Variants in CNOT6L observed in about 807,000 individuals in gnomAD.
CNOT6L encodes the protein CCR4-NOT transcription complex subunit 6-like.
CNOT6L carries 7 observed loss-of-function variants against 64.0 expected under a neutral mutation model. That is an observed-to-expected ratio of 0.11 (90% CI 0.06 to 0.21). CNOT6L has a LOEUF of 0.21. Among genes scored for constraint, CNOT6L ranks in the 10% least tolerant of loss-of-function variants. The pLI is 1.00. For missense variants in CNOT6L, 245 were observed against 669.0 expected (o/e 0.37, Z 6.99); for synonymous variants, 193 against 243.4 (o/e 0.79, Z 1.93).
chr4:77,729,175 C>G, intron 9 of CNOT6L, 94 bp from the exon 10 acceptor site: 1 of 813,942 alleles, frequency 1.2e-6, no homozygotes, highest in South Asian at 1.6e-5. Flanking sequence ...TCCACAGCTA[C>G]TTCTTTACTC....
chr4:77,815,169 T>G (rs977049325), intron 1 of CNOT6L, among the ~76,000 whole-genome samples: 15 of 152,198 alleles, frequency 9.9e-5, no homozygotes, highest in African/African-American at 3.6e-4. Context: ...AAAATGTGTT[T>G]CCTATGAAAC....
chr4:77,776,201 A>T (rs1197185870), intron 2 of CNOT6L, 70 bp downstream of exon 2: 9 of 1,491,034 alleles, frequency 6.0e-6, no homozygotes, highest in Non-Finnish European at 8.2e-6. Flanking sequence ...TACAACAAAA[A>T]ATATAGCAAT....
intron 1 of CNOT6L, among the ~76,000 whole-genome samples, chr4:77,806,745 A>G (rs1327922898): frequency 6.6e-6 from 1 of 152,236 alleles, no homozygotes; most frequent in East Asian, 1.9e-4. Context: ...CCCCTCCACG[A>G]TCATTCTCCA....
At position 77,720,300 on chromosome 4, in the gene CNOT6L, A is replaced by T; in HGVS notation, c.*131T>A. The stretch of plus-strand genomic sequence containing the variant: ...TATGCACAAAAATGTACAAAGTCTT[A>T]CAGCAAACACATAATGAAAGAAACC... On this transcript the variant is annotated 3_prime_UTR_variant, in exon 12 of 12. Transcript: ENST00000504123. 2 of 992,954 alleles carry T rather than the reference A, an allele frequency of 2.0e-6. No homozygotes were observed. Among genetic ancestry groups the T allele is most frequent in the South Asian group, 1.7e-5 (1 of 60,438 alleles). 61.5% of individuals were successfully genotyped at this position (992,954 alleles called of 1,614,324 possible).
At chr4:77,784,212 TATCTGAG>T (rs1729195972) in intron 1 of CNOT6L, among the ~76,000 whole-genome samples, 2 of 152,114 alleles carry the variant, frequency 1.3e-5, no homozygotes, top group South Asian at 4.1e-4. Flanking sequence ...CTTTTTCCCA[TATCTGAG>T]ATACAAGACA....
intron 11 of CNOT6L, 52 bp downstream of exon 11, chr4:77,726,115 A>G (rs776386186): frequency 1.9e-5 from 28 of 1,471,366 alleles, no homozygotes; most frequent in Non-Finnish European, 2.6e-5. Context: ...CTTTTTTGTT[A>G]CATGCTTGTA....
chr4:77,720,451 G>A lies in CNOT6L; in HGVS notation c.1648C>T (p.His550Tyr). Residue 550 changes from histidine to tyrosine, a missense_variant, in exon 12 of 12, where the codon CAC (histidine) becomes TAC (tyrosine). By Grantham distance (83) the His-to-Tyr change is moderately conservative. Transcript: ENST00000504123. ...CTCCACTACCTCCGATTAGGCAAGT[G>A]AACACCATTGACAAGAGGCAGGAGT... ...PPLLPLVNGV[H>Y]LPNRR 1 of 1,613,482 alleles carries A rather than the reference G, an allele frequency of 6.2e-7. No homozygotes were observed. The highest frequency in any genetic ancestry group is 8.5e-7 in the Non-Finnish European group (1 of 1,179,510).
chr4:77,734,188 C>G (rs1698410413), intron 8 of CNOT6L, among the ~76,000 whole-genome samples: 1 of 152,048 alleles, frequency 6.6e-6, no homozygotes, highest in South Asian at 2.1e-4. Context: ...TAAACCAGGT[C>G]TTGTCAGTCC....
Position 77,797,988 on chromosome 4 carries a change from T to C in CNOT6L, c.5+21316A>G, listed in dbSNP as rs180980919. Among the ~76,000 whole-genome samples, 18 of 152,242 alleles carry C rather than the reference T, an allele frequency of 1.2e-4. No individual in the cohort carries two copies. In the East Asian group the frequency reaches 2.9e-3, roughly 24 times the overall value. On this transcript the variant is annotated intron_variant, in intron 1 of 11. Coordinates refer to ENST00000504123, the MANE Select transcript of CNOT6L (RefSeq NM_144571.3). ...AAGCATGATCCATAAAACAAAAAATTGATAAATTAGACTTTCAAGAACTTT... is the reference window on the plus strand; with the variant it reads ...AAGCATGATCCATAAAACAAAAAATCGATAAATTAGACTTTCAAGAACTTT...
chr4:77,742,087 G>A, intron 8 of CNOT6L, 54 bp downstream of exon 8: 1 of 1,504,288 alleles, frequency 6.6e-7, no homozygotes, highest in Non-Finnish European at 9.0e-7. Context: ...ATTTTAAAGT[G>A]TAAGCATTTA....
At chr4:77,763,197 T>A (rs1174074239) in intron 4 of CNOT6L, among the ~76,000 whole-genome samples, 2 of 152,070 alleles carry the variant, frequency 1.3e-5, no homozygotes, top group Admixed American at 1.3e-4. Context: ...GTAAGGCAAC[T>A]GGTCTGAACC....
chr4:77,818,977 C>T (rs1733930175), intron 1 of CNOT6L: 2 of 670,042 alleles, frequency 3.0e-6, no homozygotes, highest in Non-Finnish European at 5.5e-6. Flanking sequence ...CTCTCACCTG[C>T]GAGGCTCGGG....
At chr4:77,755,233 T>G (rs964400977) in intron 5 of CNOT6L, among the ~76,000 whole-genome samples, 18 of 76,468 alleles carry the variant, frequency 2.4e-4, no homozygotes, top group African/African-American at 7.5e-4. Context: ...GTTTTTTTTT[T>G]TTTTTTTTTT....
intron 1 of CNOT6L, among the ~76,000 whole-genome samples, chr4:77,792,816 GT>G (rs1216959610): frequency 6.6e-6 from 1 of 151,198 alleles, no homozygotes; most frequent in African/African-American, 2.4e-5. Context: ...ACAAATCACA[GT>G]TTTCTATGGC....
intron 1 of CNOT6L, among the ~76,000 whole-genome samples, chr4:77,803,166 G>T (rs1010786949): frequency 6.6e-6 from 1 of 151,416 alleles, no homozygotes; most frequent in African/African-American, 2.4e-5. Context: ...AAAAATTTAG[G>T]GTAAAGGTCA....
rs1720653430 is a variant in CNOT6L, at chr4:77,715,541, G to A, written c.*4890C>T. On this transcript the variant is annotated 3_prime_UTR_variant, in exon 12 of 12. Transcript: ENST00000504123. ...AACCAAATGTATGCCACAAGGAACT[G>A]CCAACTGGGTTAAAGCTTGGTATTT... 6.6e-6 allele frequency: 1 copy of A among 152,120 alleles called. No individual in the cohort carries two copies. Among genetic ancestry groups the A allele is most frequent in the Non-Finnish European group, 1.5e-5 (1 of 68,014 alleles). The allele number at this position is 152,120 out of a possible 1,614,324, so 9.4% of individuals were successfully genotyped here.
At chr4:77,798,344 A>T (rs771242573) in intron 1 of CNOT6L, among the ~76,000 whole-genome samples, 1 of 152,220 alleles carries the variant, frequency 6.6e-6, no homozygotes, top group African/African-American at 2.4e-5. Flanking sequence ...AAAAGAAAAT[A>T]ACCCACACAC....
At chr4:77,753,679 A>G (rs1725121097) in intron 5 of CNOT6L, among the ~76,000 whole-genome samples, 1 of 151,818 alleles carries the variant, frequency 6.6e-6, no homozygotes, top group African/African-American at 2.4e-5. Context: ...TCATAAAAAT[A>G]AATAAATAAA....
rs1296512585 is a variant in CNOT6L, at chr4:77,714,214, CA to C, written c.*6216del. The stretch of plus-strand genomic sequence containing the variant: ...GGTCACAGAATGACTCAAATGTATG[CA>C]AAATAATGAATTCTTTAACTTAATG... On this transcript the variant is annotated 3_prime_UTR_variant, in exon 12 of 12. Transcript: ENST00000504123. 6.6e-6 allele frequency: 1 copy of C among 152,278 alleles called. No individual in the cohort carries two copies. Among genetic ancestry groups the C allele is most frequent in the Non-Finnish European group, 1.5e-5 (1 of 67,974 alleles). 9.4% of individuals were successfully genotyped at this position (152,278 alleles called of 1,614,324 possible).
Sources: allele counts gnomAD v4.1 joint callset (sites outside exome capture counted in the v4.1 genomes callset), GRCh38; gene constraint gnomAD v4.1.1; transcripts MANE v1.5; gene names NCBI Gene and HGNC (gene_info 2026-07-23, HGNC 2026-07-21).